The following GPR137C variants were observed in gnomAD, a reference collection of about 807,000 sequenced individuals.
GPR137C encodes the protein G protein-coupled receptor 137C, also known as integral membrane protein GPR137C.
In GPR137C, 27 loss-of-function variants were observed where a neutral mutation model predicts 43.4. The observed-to-expected ratio is 0.62, with a 90% confidence interval of 0.46 to 0.86. The LOEUF (loss-of-function observed/expected upper bound fraction) is 0.86. Ranked by LOEUF, GPR137C falls within the 40% of genes least tolerant of loss-of-function variation. The probability of loss-of-function intolerance (pLI) is 0.00; values close to 1 mark genes in which losing one functional copy is unlikely to be tolerated. For synonymous variants in GPR137C, 285 were observed against 226.9 expected (o/e 1.26, Z -2.30); for missense variants, 522 against 534.6 (o/e 0.98, Z 0.23).
chr14:52,575,980 T>G (rs2038544955), intron 1 of GPR137C, among the ~76,000 whole-genome samples: 1 of 152,040 alleles, frequency 6.6e-6, no homozygotes, highest in Non-Finnish European at 1.5e-5. Context: ...TTGTTCGGGG[T>G]TTTTACTGGG....
intron 3 of GPR137C, among the ~76,000 whole-genome samples, chr14:52,616,573 C>G (rs764618002): frequency 1.3e-4 from 20 of 152,126 alleles, no homozygotes; most frequent in Admixed American, 1.2e-3. Flanking sequence ...CAGTTACAGG[C>G]GTGAGGCACT....
chr14:52,553,426 A>G lies in GPR137C; in HGVS notation c.279A>G (p.Ala93=), dbSNP rs1484810398. ...SLCLFLCLLW[A]ALRTTLFSAA... is the part of the protein sequence containing the mutation. ...GCCTCTTCCTCTGTCTCCTGTGGGC[A>G]GCGCTCAGGACCACCCTCTTCTCCG... Residue 93 remains alanine (A), a synonymous_variant, in exon 1 of 7, where the codon GCA becomes GCG. Coordinates refer to ENST00000321662, the MANE Select transcript of GPR137C (RefSeq NM_001099652.2). 5.6e-6 allele frequency: 9 copies of G among 1,608,846 alleles called. No homozygotes were observed. In the South Asian group the frequency reaches 8.8e-5, roughly 16 times the overall value.
intron 1 of GPR137C, among the ~76,000 whole-genome samples, chr14:52,577,085 G>T (rs2038565508): frequency 6.7e-6 from 1 of 148,716 alleles, no homozygotes; most frequent in Admixed American, 6.9e-5. Flanking sequence ...TACTCAGGAG[G>T]CTGAAGCAGA....
At chr14:52,628,898 G>T (rs1195186153) in intron 3 of GPR137C, among the ~76,000 whole-genome samples, 2 of 152,204 alleles carry the variant, frequency 1.3e-5, no homozygotes, top group African/African-American at 4.8e-5. Flanking sequence ...TATCTGACAA[G>T]AGTTGATTGT....
Position 52,625,638 on chromosome 14 carries a change from T to C in GPR137C, c.718-6522T>C, listed in dbSNP as rs1222204901. Reference sequence around the variant, plus strand: ...GGCGTGATCTCGGCTCACTGCAATCTCCGCCTCCCAGGTTCACATCATTCT... The same window carrying C: ...GGCGTGATCTCGGCTCACTGCAATCCCCGCCTCCCAGGTTCACATCATTCT... On this transcript the variant is annotated intron_variant, in intron 3 of 6. Transcript: ENST00000321662. Among the ~76,000 whole-genome samples the C allele has an allele frequency of 1.9e-4, 24 of 124,240 alleles. No individual in the cohort carries two copies. In the Admixed American group the frequency reaches 2.2e-3, roughly 11 times the overall value. 81.5% of individuals were successfully genotyped at this position (124,240 alleles called of 152,430 possible).
chr14:52,630,959 G>A (rs1469621457), intron 3 of GPR137C, among the ~76,000 whole-genome samples: 1 of 152,150 alleles, frequency 6.6e-6, no homozygotes, highest in African/African-American at 2.4e-5. Flanking sequence ...GACTATTACA[G>A]GTGTGTTGCA....
chr14:52,568,915 G>A (rs551575549), intron 1 of GPR137C, among the ~76,000 whole-genome samples: 1 of 152,304 alleles, frequency 6.6e-6, no homozygotes, highest in Non-Finnish European at 1.5e-5. Context: ...AGAGAGCAGC[G>A]GATCTCCCAG....
intron 1 of GPR137C, among the ~76,000 whole-genome samples, chr14:52,568,896 C>G (rs568988366): frequency 3.9e-5 from 6 of 152,232 alleles, no homozygotes; most frequent in Admixed American, 6.5e-5. Flanking sequence ...TACTGCCTGC[C>G]GGCTCTTAAG....
intron 1 of GPR137C, among the ~76,000 whole-genome samples, chr14:52,591,611 C>G (rs1239202744): frequency 1.3e-5 from 2 of 152,180 alleles, no homozygotes; most frequent in Non-Finnish European, 2.9e-5. Flanking sequence ...TGTCTGTTGG[C>G]TGCATAAATG....
At chr14:52,629,917 T>C (rs1363947491) in intron 3 of GPR137C, among the ~76,000 whole-genome samples, 1 of 152,224 alleles carries the variant, frequency 6.6e-6, no homozygotes, top group Admixed American at 6.5e-5. Flanking sequence ...AAGTGTGGAA[T>C]TTCTTTAAAA....
chr14:52,597,411 C>A (rs1373339026), intron 1 of GPR137C, among the ~76,000 whole-genome samples: 1 of 152,138 alleles, frequency 6.6e-6, no homozygotes, highest in East Asian at 1.9e-4. Flanking sequence ...CAGTGAGTTA[C>A]CATGTACCTT....
intron 3 of GPR137C, among the ~76,000 whole-genome samples, chr14:52,614,684 G>A (rs551608069): frequency 2.0e-5 from 3 of 151,756 alleles, no homozygotes; most frequent in East Asian, 3.9e-4. Context: ...ACGGGGTCTC[G>A]CTATGTTACC....
In GPR137C at chr14:52,600,096, T is replaced by C. The variant is rs750480223; in HGVS notation, c.489-17T>C. On this transcript the variant is annotated splice_polypyrimidine_tract_variant and intron_variant, in intron 2 of 6. Coordinates refer to ENST00000321662, the MANE Select transcript of GPR137C (RefSeq NM_001099652.2). ...TTATTAGTTATATAACCATCTAATATACTTTTTTTCTTTCAGAATTCTACT... is the reference window on the plus strand; with the variant it reads ...TTATTAGTTATATAACCATCTAATACACTTTTTTTCTTTCAGAATTCTACT... The C allele has an allele frequency of 6.5e-7, 1 of 1,533,408 alleles. No homozygotes were observed. Among genetic ancestry groups the C allele is most frequent in the Admixed American group, 1.7e-5 (1 of 59,500 alleles). The allele number at this position is 1,533,408 out of a possible 1,614,324, so 95.0% of individuals were successfully genotyped here.
intron 1 of GPR137C, among the ~76,000 whole-genome samples, chr14:52,572,140 G>A (rs952587567): frequency 6.6e-6 from 1 of 152,114 alleles, no homozygotes; most frequent in Non-Finnish European, 1.5e-5. Context: ...AGGACCAGAC[G>A]GATTCACAGC....
chr14:52,580,231 A>T (rs180845181), intron 1 of GPR137C, among the ~76,000 whole-genome samples: 47 of 152,352 alleles, frequency 3.1e-4, no homozygotes, highest in African/African-American at 1.1e-3. Flanking sequence ...ACAAAATTAG[A>T]TATGGATATT....
At chr14:52,627,526 C>T (rs189507797) in intron 3 of GPR137C, among the ~76,000 whole-genome samples, 14 of 152,130 alleles carry the variant, frequency 9.2e-5, no homozygotes, top group Admixed American at 4.6e-4. Flanking sequence ...AAAATTTGCA[C>T]GACAATGCAG....
At chr14:52,607,578 A>C (rs2038995951) in intron 3 of GPR137C, among the ~76,000 whole-genome samples, 1 of 152,162 alleles carries the variant, frequency 6.6e-6, no homozygotes, top group South Asian at 2.1e-4. Flanking sequence ...TTTTTGACTT[A>C]AAGTCTATTT....
chr14:52,575,241 T>A (rs1240524828), intron 1 of GPR137C, among the ~76,000 whole-genome samples: 2 of 152,114 alleles, frequency 1.3e-5, no homozygotes, highest in Non-Finnish European at 2.9e-5. Flanking sequence ...TTATACTTTT[T>A]AAAAATACTT....
intron 1 of GPR137C, among the ~76,000 whole-genome samples, chr14:52,558,041 G>A (rs145649375): frequency 1.8e-3 from 270 of 151,586 alleles, no homozygotes; most frequent in African/African-American, 6.4e-3. Context: ...GAGAAATGCT[G>A]CAGAGAGTAG....
Sources: gnomAD v4.1 joint callset for allele counts (sites outside exome capture counted in the v4.1 genomes callset) on GRCh38, gnomAD v4.1.1 for gene constraint, MANE v1.5 for transcripts, NCBI Gene and HGNC (gene_info 2026-07-23, HGNC 2026-07-21) for gene names.